Variants in POFUT3 observed in about 807,000 individuals in gnomAD.
The protein encoded by POFUT3 is GDP-fucose protein O-fucosyltransferase 3.
the POFUT3 span, among the ~76,000 whole-genome samples, chr8:33,439,594 G>A: frequency 3.6e-4 from 55 of 152,116 alleles, 1 homozygote; most frequent in South Asian, 8.3e-3. Flanking sequence ...TCAGCCGGGC[G>A]CGGTTGCTTA....
the POFUT3 span, among the ~76,000 whole-genome samples, chr8:33,387,103 T>TTGTG: frequency 2.6e-5 from 4 of 151,016 alleles, no homozygotes; most frequent in African/African-American, 7.3e-5. Flanking sequence ...GTGTGTGTGT[T>TTGTG]TGTGTGTGTG....
At chr8:33,414,656 T>C in the POFUT3 span, among the ~76,000 whole-genome samples, 3 of 152,186 alleles carry the variant, frequency 2.0e-5, no homozygotes, top group Non-Finnish European at 4.4e-5. Flanking sequence ...AGAGAATGCT[T>C]TTCCGTCTCC....
the POFUT3 span, among the ~76,000 whole-genome samples, chr8:33,341,350 G>C: frequency 6.6e-6 from 1 of 150,760 alleles, no homozygotes; most frequent in African/African-American, 2.4e-5. Context: ...CAGGAGAATT[G>C]CTTGAACCCA....
chr8:33,316,024 G>A, the POFUT3 span, among the ~76,000 whole-genome samples: 1 of 152,092 alleles, frequency 6.6e-6, no homozygotes, highest in Non-Finnish European at 1.5e-5. Flanking sequence ...GCTGCCAAAT[G>A]TCAAGAACAC....
chr8:33,413,084 T>C, the POFUT3 span, among the ~76,000 whole-genome samples: 1 of 152,240 alleles, frequency 6.6e-6, no homozygotes, highest in East Asian at 1.9e-4. Context: ...TTTTATTTAT[T>C]CACTTCTTTT....
the POFUT3 span, among the ~76,000 whole-genome samples, chr8:33,354,303 C>T: frequency 0.21 from 31,463 of 152,062 alleles, 3,834 homozygotes; most frequent in South Asian, 0.51. Flanking sequence ...CCATCTGTTC[C>T]ACAATCTGGA....
the POFUT3 span, among the ~76,000 whole-genome samples, chr8:33,312,257 G>A: frequency 1.7e-4 from 20 of 120,512 alleles, no homozygotes; most frequent in East Asian, 1.4e-3. Flanking sequence ...GCAAGACTCC[G>A]TCTCAAAAAA....
At chr8:33,375,300 C>T in the POFUT3 span, among the ~76,000 whole-genome samples, 4 of 152,028 alleles carry the variant, frequency 2.6e-5, no homozygotes, top group African/African-American at 9.7e-5. Flanking sequence ...GGAGACATAG[C>T]ATGCAGGAAA....
At chr8:33,311,875 C>A in the POFUT3 span, among the ~76,000 whole-genome samples, 5 of 151,946 alleles carry the variant, frequency 3.3e-5, no homozygotes, top group African/African-American at 1.2e-4. Flanking sequence ...TGAACTTGAC[C>A]GTATTAGGAA....
At chr8:33,374,931 T>G in the POFUT3 span, among the ~76,000 whole-genome samples, 2 of 151,398 alleles carry the variant, frequency 1.3e-5, no homozygotes, top group African/African-American at 4.8e-5. Flanking sequence ...TGGAGTGCAG[T>G]GGCATGATCT....
At chr8:33,334,254 G>C in the POFUT3 span, among the ~76,000 whole-genome samples, 1 of 151,396 alleles carries the variant, frequency 6.6e-6, no homozygotes, top group African/African-American at 2.4e-5. Flanking sequence ...GTCTCACTCT[G>C]TTGCCCAGGC....
chr8:33,369,620 T>C, the POFUT3 span, among the ~76,000 whole-genome samples: 1 of 152,186 alleles, frequency 6.6e-6, no homozygotes, highest in Non-Finnish European at 1.5e-5. Flanking sequence ...ATGACTTTTT[T>C]AATGCACATT....
chr8:33,425,601 G>T, the POFUT3 span, among the ~76,000 whole-genome samples: 1 of 151,974 alleles, frequency 6.6e-6, no homozygotes, highest in Non-Finnish European at 1.5e-5. Context: ...CCAGAGGAAG[G>T]GGGAGGGTGG....
chr8:33,366,462 A>C, the POFUT3 span, among the ~76,000 whole-genome samples: 1 of 152,176 alleles, frequency 6.6e-6, no homozygotes, highest in Non-Finnish European at 1.5e-5. Context: ...TTAACTTGTA[A>C]AAATTGCTGT....
the POFUT3 span, among the ~76,000 whole-genome samples, chr8:33,456,354 AT>A: frequency 6.6e-6 from 1 of 151,154 alleles, no homozygotes; most frequent in African/African-American, 2.5e-5. Context: ...TTTTTTATTT[AT>A]TTTTTATTTT....
chr8:33,324,914 A>G, the POFUT3 span, among the ~76,000 whole-genome samples: 1 of 151,984 alleles, frequency 6.6e-6, no homozygotes, highest in Non-Finnish European at 1.5e-5. Flanking sequence ...GACACTTACT[A>G]CTTCTGAGCT....
the POFUT3 span, among the ~76,000 whole-genome samples, chr8:33,336,189 T>C: frequency 6.6e-6 from 1 of 152,228 alleles, no homozygotes; most frequent in Non-Finnish European, 1.5e-5. Context: ...AAATGATAAA[T>C]CCTGCCCTGC....
chr8:33,365,238 C>T, the POFUT3 span, among the ~76,000 whole-genome samples: 30,283 of 152,048 alleles, frequency 0.2, 3,678 homozygotes, highest in South Asian at 0.51. Flanking sequence ...CCCTTCCTTA[C>T]ACCTTATACA....
At chr8:33,381,804 C>A in the POFUT3 span, among the ~76,000 whole-genome samples, 6 of 152,088 alleles carry the variant, frequency 3.9e-5, no homozygotes, top group African/African-American at 7.2e-5. Flanking sequence ...GAAGCTTTAC[C>A]AAAAGCATCC....
Sources: gnomAD v4.1 joint callset for allele counts (sites outside exome capture counted in the v4.1 genomes callset) on GRCh38, gnomAD v4.1.1 for gene constraint, MANE v1.5 for transcripts, NCBI Gene and HGNC (gene_info 2026-07-23, HGNC 2026-07-21) for gene names.